SGCD: variants seen among roughly 807,000 people sequenced by gnomAD.
SGCD encodes delta-sarcoglycan.
In SGCD, 18 loss-of-function variants were observed where a neutral mutation model predicts 36.6. The observed-to-expected ratio is 0.49, with a 90% confidence interval of 0.34 to 0.73. The LOEUF (loss-of-function observed/expected upper bound fraction) is 0.73. SGCD is among the 30% of genes least tolerant of loss of function. The pLI is 0.01. For synonymous variants in SGCD, 133 were observed against 130.6 expected, an observed-to-expected ratio of 1.02 and a Z score of -0.12; for missense variants, 387 against 346.7, an observed-to-expected ratio of 1.12 and a Z score of -0.92.
intron 7 of SGCD, among the ~76,000 whole-genome samples, chr5:156,754,014 G>A (rs1258851282): frequency 6.6e-6 from 1 of 152,204 alleles, no homozygotes; most frequent in African/African-American, 2.4e-5. Flanking sequence ...TTTTGTCACT[G>A]CTTCCAGGAA....
intron 1 of SGCD, among the ~76,000 whole-genome samples, chr5:155,930,123 C>T (rs951770150): frequency 2.0e-5 from 3 of 152,184 alleles, no homozygotes; most frequent in Non-Finnish European, 4.4e-5. Context: ...CTCCACCCCT[C>T]TTGCCAAAGT....
At position 156,124,211 on chromosome 5, in the gene SGCD, A is replaced by G. The variant is rs149711150; in HGVS notation, c.-44+192A>G. ...ATGTGTTACCACAGGTAAAGATACAATGGTAGAAACTGAAGGAAGCCTGCA... is the reference window on the plus strand; with the variant it reads ...ATGTGTTACCACAGGTAAAGATACAGTGGTAGAAACTGAAGGAAGCCTGCA... On this transcript the variant is annotated intron_variant, in intron 3 of 9. Transcript: ENST00000517913. Among the ~76,000 whole-genome samples, 130 of 152,314 alleles carry G rather than the reference A, an allele frequency of 8.5e-4. 1 individual carries two copies. The East Asian group carries it at 0.019, about 23-fold the overall frequency.
At chr5:155,973,776 T>A (rs1391237842) in intron 1 of SGCD, among the ~76,000 whole-genome samples, 1 of 152,210 alleles carries the variant, frequency 6.6e-6, no homozygotes, top group Non-Finnish European at 1.5e-5. Flanking sequence ...TTGCAAAGCC[T>A]CAGTTCCTTT....
intron 1 of SGCD, among the ~76,000 whole-genome samples, chr5:156,017,590 A>G (rs987791967): frequency 1.3e-5 from 2 of 151,904 alleles, no homozygotes; most frequent in Admixed American, 1.3e-4. Flanking sequence ...TTATCCATTA[A>G]CTTTTCTTAT....
At chr5:156,403,213 T>C (rs1361468833) in intron 3 of SGCD, among the ~76,000 whole-genome samples, 2 of 152,168 alleles carry the variant, frequency 1.3e-5, no homozygotes, top group African/African-American at 4.8e-5. Context: ...ACTTCAGCTT[T>C]CAGAGTAAAA....
At chr5:156,541,424 G>A (rs1048808062) in intron 4 of SGCD, among the ~76,000 whole-genome samples, 9 of 152,222 alleles carry the variant, frequency 5.9e-5, no homozygotes, top group Non-Finnish European at 1.0e-4. Context: ...AGAGATAATG[G>A]TAATTCCCAA....
chr5:156,351,355 C>A (rs1769241774), intron 3 of SGCD, among the ~76,000 whole-genome samples: 1 of 152,078 alleles, frequency 6.6e-6, no homozygotes, highest in African/African-American at 2.4e-5. Context: ...TCATGAGAGA[C>A]CCTTCATGAC....
At chr5:156,314,227 C>T (rs1186125486) in intron 3 of SGCD, among the ~76,000 whole-genome samples, 1 of 151,868 alleles carries the variant, frequency 6.6e-6, no homozygotes, top group African/African-American at 2.4e-5. Flanking sequence ...ATGTGATGTT[C>T]GAGGCTATAC....
intron 4 of SGCD, among the ~76,000 whole-genome samples, chr5:156,511,215 G>A (rs1581098759): frequency 6.6e-6 from 1 of 151,930 alleles, no homozygotes; most frequent in African/African-American, 2.4e-5. Flanking sequence ...AACAACAAAA[G>A]AAGTATCTTC....
intron 3 of SGCD, among the ~76,000 whole-genome samples, chr5:156,248,728 C>T (rs530361137): frequency 1.8e-3 from 280 of 152,234 alleles, no homozygotes; most frequent in Admixed American, 2.7e-3. Flanking sequence ...AAGCTGAATT[C>T]GGACACTGTT....
At chr5:156,345,734 A>G (rs1241015006) in intron 3 of SGCD, among the ~76,000 whole-genome samples, 1 of 152,042 alleles carries the variant, frequency 6.6e-6, no homozygotes, top group Admixed American at 6.6e-5. Flanking sequence ...AAATACCAAA[A>G]CCCTCTTGTT....
intron 6 of SGCD, among the ~76,000 whole-genome samples, chr5:156,613,644 A>G (rs1230520337): frequency 1.3e-5 from 2 of 152,222 alleles, no homozygotes; most frequent in Non-Finnish European, 2.9e-5. Context: ...CTCTCAAGCT[A>G]TACCCCAGAG....
chr5:155,998,536 A>G (rs146073067), intron 1 of SGCD, among the ~76,000 whole-genome samples: 402 of 152,136 alleles, frequency 2.6e-3, no homozygotes, highest in Non-Finnish European at 4.7e-3. Flanking sequence ...ATTTTCATTG[A>G]TGGCATTGCC....
At chr5:156,218,861 C>T (rs550916793) in intron 3 of SGCD, among the ~76,000 whole-genome samples, 104 of 152,186 alleles carry the variant, frequency 6.8e-4, no homozygotes, top group African/African-American at 2.5e-3. Flanking sequence ...TAATAAATAT[C>T]CCCTATTTAT....
intron 3 of SGCD, among the ~76,000 whole-genome samples, chr5:156,387,744 T>C (rs6556572): frequency 0.73 from 111,011 of 152,030 alleles, 40,827 homozygotes; most frequent in Middle Eastern, 0.88. Flanking sequence ...CAAAAACAAC[T>C]TCAAGAAAAA....
In SGCD at chr5:156,078,579, TTATA is replaced by T. The variant is rs35525705; in HGVS notation, c.-281-39293_-281-39290del. ...TTTATATTTATATATATATTTATAT[TTATA>T]TATATTTATATTTATATATTTTTAT... On this transcript the variant is annotated intron_variant, in intron 1 of 9. Transcript: ENST00000517913. Among the ~76,000 whole-genome samples the T allele has an allele frequency of 8.2e-3, 1,119 of 136,664 alleles. 21 individuals are homozygous for T. Among genetic ancestry groups the T allele is most frequent in the African/African-American group, 0.03 (1,040 of 34,808 alleles). The allele number at this position is 136,664 out of a possible 152,430, so 89.7% of individuals were successfully genotyped here.
At chr5:156,718,349 T>C (rs994741233) in intron 7 of SGCD, among the ~76,000 whole-genome samples, 3 of 152,182 alleles carry the variant, frequency 2.0e-5, no homozygotes, top group Non-Finnish European at 2.9e-5. Flanking sequence ...GTTTCCCTAA[T>C]TCTCCCAATA....
chr5:156,134,153 A>G (rs1031846896), intron 3 of SGCD, among the ~76,000 whole-genome samples: 5 of 152,048 alleles, frequency 3.3e-5, no homozygotes, highest in Admixed American at 1.3e-4. Flanking sequence ...TTGCTGCTAA[A>G]CCCACCCACT....
intron 6 of SGCD, among the ~76,000 whole-genome samples, chr5:156,605,013 A>T (rs1472824030): frequency 6.6e-6 from 1 of 151,468 alleles, no homozygotes; most frequent in African/African-American, 2.4e-5. Flanking sequence ...TTTGAGTTTG[A>T]TTATGAATTT....
Sources: gnomAD v4.1 joint callset for allele counts (sites outside exome capture counted in the v4.1 genomes callset) on GRCh38, gnomAD v4.1.1 for gene constraint, MANE v1.5 for transcripts, NCBI Gene and HGNC (gene_info 2026-07-23, HGNC 2026-07-21) for gene names.